The following RAPGEF2 variants were observed in gnomAD, a reference collection of about 807,000 sequenced individuals.
RAPGEF2 encodes the protein Rap guanine nucleotide exchange factor 2, also known as PDZ domain containing guanine nucleotide exchange factor (GEF) 1.
RAPGEF2 carries 54 observed loss-of-function variants against 186.7 expected under a neutral mutation model. The observed-to-expected ratio is 0.29, with a 90% CI of 0.23 to 0.36. RAPGEF2 has a LOEUF of 0.36. RAPGEF2 is among the 10% of genes least tolerant of loss of function. The pLI, the probability that RAPGEF2 is intolerant of heterozygous loss-of-function variation, is 1.00. For missense variants in RAPGEF2, 1,532 were observed against 2,045.0 expected (o/e 0.75, Z 4.84); for synonymous variants, 712 against 705.9 (o/e 1.01, Z -0.14).
intron 13 of RAPGEF2, 61 bp from the exon 14 acceptor site, chr4:159,331,370 T>G: frequency 2.1e-6 from 2 of 965,124 alleles, no homozygotes; most frequent in South Asian, 3.3e-5. Context: ...TTTTCTGGAA[T>G]GATTTTAATC....
At chr4:159,232,916 T>G (rs1465075597) in intron 4 of RAPGEF2, among the ~76,000 whole-genome samples, 1 of 152,176 alleles carries the variant, frequency 6.6e-6, no homozygotes, top group Admixed American at 6.5e-5. Flanking sequence ...CTCTAATGAC[T>G]CAAGATGCTG....
chr4:159,207,857 C>T (rs1750139059), intron 3 of RAPGEF2, among the ~76,000 whole-genome samples: 1 of 152,078 alleles, frequency 6.6e-6, no homozygotes, highest in Non-Finnish European at 1.5e-5. Flanking sequence ...TTTTACTTGG[C>T]ATAATTCAGA....
chr4:159,304,257 T>C, intron 7 of RAPGEF2, 85 bp from the exon 8 acceptor site: 1 of 1,299,660 alleles, frequency 7.7e-7, no homozygotes, highest in Non-Finnish European at 1.1e-6. Flanking sequence ...TGGTATAGAA[T>C]AAAATATGAT....
At chr4:159,241,671 T>C (rs1311209073) in intron 6 of RAPGEF2, among the ~76,000 whole-genome samples, 1 of 151,782 alleles carries the variant, frequency 6.6e-6, no homozygotes, top group African/African-American at 2.4e-5. Context: ...AGCTCCTTTA[T>C]TTCTTAAGTT....
At chr4:159,272,288 T>C (rs949029302) in intron 7 of RAPGEF2, among the ~76,000 whole-genome samples, 3 of 152,226 alleles carry the variant, frequency 2.0e-5, no homozygotes, top group African/African-American at 4.8e-5. Flanking sequence ...CCATATTTTC[T>C]AAATTGCTAT....
intron 8 of RAPGEF2, among the ~76,000 whole-genome samples, chr4:159,313,818 A>C (rs985241196): frequency 6.6e-6 from 1 of 152,222 alleles, no homozygotes; most frequent in African/African-American, 2.4e-5. Context: ...TGATATATAC[A>C]TACATATTGC....
intron 7 of RAPGEF2, among the ~76,000 whole-genome samples, chr4:159,298,818 G>A (rs1419051212): frequency 6.6e-6 from 1 of 152,090 alleles, no homozygotes; most frequent in Non-Finnish European, 1.5e-5. Context: ...AGGGACCTGC[G>A]CCTTGCAGAG....
At chr4:159,127,066 G>A (rs534563256) in intron 1 of RAPGEF2, among the ~76,000 whole-genome samples, 11 of 152,154 alleles carry the variant, frequency 7.2e-5, no homozygotes, top group African/African-American at 2.4e-4. Context: ...TGCTCTTGTC[G>A]CCCAGGCTGG....
At chr4:159,301,244 C>T (rs914508156) in intron 7 of RAPGEF2, among the ~76,000 whole-genome samples, 1 of 152,044 alleles carries the variant, frequency 6.6e-6, no homozygotes, top group African/African-American at 2.4e-5. Flanking sequence ...TCGTGGGCGC[C>T]TGTAATCCCA....
chr4:159,213,732 T>G (rs923966877), intron 4 of RAPGEF2, among the ~76,000 whole-genome samples: 2 of 152,242 alleles, frequency 1.3e-5, no homozygotes, highest in Non-Finnish European at 2.9e-5. Context: ...GTATTTTTAC[T>G]TTGGTTGTTT....
chr4:159,157,575 T>C (rs1744264476), intron 1 of RAPGEF2, among the ~76,000 whole-genome samples: 1 of 152,192 alleles, frequency 6.6e-6, no homozygotes, highest in African/African-American at 2.4e-5. Flanking sequence ...AGAATGGCTT[T>C]TTAAAAGAAC....
chr4:159,260,222 T>C (rs11100212), intron 7 of RAPGEF2, among the ~76,000 whole-genome samples: 98,058 of 151,716 alleles, frequency 0.65, 32,792 homozygotes, highest in African/African-American at 0.74. Flanking sequence ...TCAAGCAATT[T>C]GCCTGCTTCA....
intron 1 of RAPGEF2, among the ~76,000 whole-genome samples, chr4:159,172,402 C>T (rs1042902410): frequency 6.6e-6 from 1 of 152,142 alleles, no homozygotes; most frequent in Non-Finnish European, 1.5e-5. Flanking sequence ...ATGTTCCTTT[C>T]TGATTGTGAT....
intron 25 of RAPGEF2, among the ~76,000 whole-genome samples, chr4:159,348,246 G>GATAGATA (rs1561329991): frequency 0.034 from 1,027 of 30,438 alleles, 13 homozygotes; most frequent in African/African-American, 0.053. Flanking sequence ...ATAGATAGAT[G>GATAGATA]GATGGATGGA....
At chr4:159,331,565 C>G in intron 14 of RAPGEF2, 27 bp downstream of exon 14, 1 of 1,608,504 alleles carries the variant, frequency 6.2e-7, no homozygotes, top group Non-Finnish European at 8.5e-7. Flanking sequence ...TTTTTAAGAT[C>G]AGCTTAAAGT....
At chr4:159,155,485 G>A (rs558339807) in intron 1 of RAPGEF2, among the ~76,000 whole-genome samples, 1 of 152,268 alleles carries the variant, frequency 6.6e-6, no homozygotes, top group Non-Finnish European at 1.5e-5. Flanking sequence ...GAGATGATGA[G>A]TTTCTTTGTA....
intron 1 of RAPGEF2, among the ~76,000 whole-genome samples, chr4:159,104,553 A>AGAGAGAGAGTGTGTGT (rs1553991869): frequency 7.4e-6 from 1 of 136,028 alleles, no homozygotes; most frequent in Non-Finnish European, 1.6e-5. Context: ...AGAGAGAGAG[A>AGAGAGAGAGTGTGTGT]GTGTGTGTGT....
At chr4:159,181,063 G>A (rs952696573) in intron 1 of RAPGEF2, among the ~76,000 whole-genome samples, 1 of 152,204 alleles carries the variant, frequency 6.6e-6, no homozygotes, top group Non-Finnish European at 1.5e-5. Context: ...CACATAATGT[G>A]TATGACGTAA....
intron 18 of RAPGEF2, 132 bp downstream of exon 18, chr4:159,338,600 C>CT: frequency 9.8e-7 from 1 of 1,017,612 alleles, no homozygotes; most frequent in Non-Finnish European, 1.4e-6. Flanking sequence ...GAAACTTAAA[C>CT]TTTAAGATTT....
Sources: gnomAD v4.1 joint callset for allele counts (sites outside exome capture counted in the v4.1 genomes callset) on GRCh38, gnomAD v4.1.1 for gene constraint, MANE v1.5 for transcripts, NCBI Gene and HGNC (gene_info 2026-07-23, HGNC 2026-07-21) for gene names.